Variants in PC observed in about 807,000 individuals in gnomAD.
PC encodes pyruvate carboxylase.
A neutral mutation model predicts 107.8 loss-of-function variants in PC; 46 were observed. The observed-to-expected ratio is 0.43, with a 90% CI of 0.34 to 0.55. The LOEUF (loss-of-function observed/expected upper bound fraction) is 0.55, where lower values mean the gene tolerates loss of function less well. PC is among the 20% of genes least tolerant of loss of function. The pLI, the probability that PC is intolerant of heterozygous loss-of-function variation, is 0.04. For synonymous variants in PC, 662 were observed against 684.7 expected (o/e 0.97, Z 0.52); for missense variants, 1,241 against 1,643.1 (o/e 0.76, Z 4.23).
intron 12 of PC, chr11:66,860,123 TG>T: frequency 1.3e-6 from 2 of 1,550,508 alleles, no homozygotes. Flanking sequence ...ACTCTGTGCA[TG>T]GGGGGCTGCT....
At chr11:66,856,128 GCAAAGAAC>G (rs572352768) in intron 12 of PC, among the ~76,000 whole-genome samples, 193 of 152,370 alleles carry the variant, frequency 1.3e-3, no homozygotes, top group African/African-American at 4.4e-3. Flanking sequence ...CAACCAGGAA[GCAAAGAAC>G]CTCCCCCACC....
At chr11:66,953,217 T>C (rs1188422585) in intron 2 of PC, among the ~76,000 whole-genome samples, 1 of 152,210 alleles carries the variant, frequency 6.6e-6, no homozygotes, top group Non-Finnish European at 1.5e-5. Flanking sequence ...TCCTGCCCAC[T>C]CCGTCCAGCC....
Position 66,857,548 on chromosome 11 carries a change from A to T in PC, c.1369-4165T>A. ...CCCCCTTAACTGCTTGGGAAATGTG[A>T]CCTTTGCTCTGGGGGGCCTGGCCCT... On this transcript the variant is annotated intron_variant, in intron 12 of 22. Transcript: ENST00000393960. This position sits in a 1 kb window ranked among gnomAD's most constrained non-coding sequence, Gnocchi z 7.1. The T allele has an allele frequency of 1.7e-6, 1 of 582,772 alleles. No homozygotes were observed. The highest frequency in any genetic ancestry group is 2.9e-5 in the East Asian group (1 of 34,792). The allele number at this position is 582,772 out of a possible 1,614,324, so 36.1% of individuals were successfully genotyped here.
intron 3 of PC, among the ~76,000 whole-genome samples, chr11:66,947,318 T>C (rs1591315877): frequency 6.6e-6 from 1 of 150,426 alleles, no homozygotes; most frequent in Non-Finnish European, 1.5e-5. Context: ...GTGCGGTGGC[T>C]CATGCCTGTA....
intron 9 of PC, 101 bp from the exon 10 acceptor site, chr11:66,869,065 C>T (rs556761983): frequency 1.6e-5 from 14 of 901,772 alleles, no homozygotes; most frequent in South Asian, 2.9e-5. Flanking sequence ...GGGTTGGTTC[C>T]GTAAAAGAAT....
chr11:66,938,261 G>C lies in PC; in HGVS notation c.-1+14169C>G, dbSNP rs1234352920. 3.9e-5 allele frequency among the ~76,000 whole-genome samples: 6 copies of C among 152,218 alleles called. No individual in the cohort carries two copies. In the South Asian group the frequency reaches 1.2e-3, roughly 32 times the overall value. On this transcript the variant is annotated intron_variant, in intron 3 of 22. Coordinates refer to ENST00000393960, the MANE Select transcript of PC (RefSeq NM_001040716.2). The stretch of plus-strand genomic sequence containing the variant: ...ATTTTTCCTGAATAAATGTGTCTTA[G>C]ATTGTTGCAAGCCTTTGGTTAATTT...
Position 66,894,689 on chromosome 11 carries a change from G to A in PC, c.1-22530C>T, listed in dbSNP as rs1016183195. Among the ~76,000 whole-genome samples the A allele has an allele frequency of 2.6e-5, 4 of 152,152 alleles. No homozygotes were observed. In the South Asian group the frequency reaches 6.2e-4, roughly 24 times the overall value. On this transcript the variant is annotated intron_variant, in intron 3 of 22. Transcript: ENST00000393960. The stretch of plus-strand genomic sequence containing the variant: ...CTCCCACCTCCACAATGGGCTGAAC[G>A]GGCTGCCGTGTATAAAGAGGGCAGG...
intron 1 of PC, chr11:66,957,822 G>C (rs994711821): frequency 3.3e-5 from 5 of 152,244 alleles, no homozygotes. Context: ...AGGATCCTAC[G>C]GGAGGCGGAG....
intron 3 of PC, among the ~76,000 whole-genome samples, chr11:66,945,442 A>G (rs1949261551): frequency 9.6e-6 from 1 of 104,274 alleles, no homozygotes; most frequent in African/African-American, 3.4e-5. Context: ...GGAACTGCAG[A>G]GTTACATGAG....
At chr11:66,953,934 C>G (rs1018486361) in intron 2 of PC, among the ~76,000 whole-genome samples, 1 of 152,108 alleles carries the variant, frequency 6.6e-6, no homozygotes, top group African/African-American at 2.4e-5. Flanking sequence ...TTGTGATAAT[C>G]ACATTATGTG....
rs1468189989 is a variant in PC at position 66,851,842 on chromosome 11, G to A, written c.1930C>T (p.Arg644Trp). ...GTGTAGCCCACAGCATTGGCCCCCC[G>A]CAGCAGCATCTGGAAAGGGATGTTG... ...IPNIPFQMLLRGANAVGYTNY... is the reference protein window; with the variant it reads ...IPNIPFQMLLWGANAVGYTNY... The change falls in exon 16 of 23, where the codon CGG (arginine) becomes TGG (tryptophan). Residue 644 changes from arginine (R) to tryptophan (W), a missense_variant. Arg to Trp is a moderately radical substitution (Grantham distance 101). Coordinates refer to ENST00000393960, the MANE Select transcript of PC (RefSeq NM_001040716.2). 2 of 1,614,110 alleles carry A rather than the reference G, an allele frequency of 1.2e-6. No homozygotes were observed. The highest frequency in any genetic ancestry group is 2.2e-5 in the East Asian group (1 of 44,884).
intron 3 of PC, among the ~76,000 whole-genome samples, chr11:66,946,092 CAAAAAAAAAAAAAAAAA>C (rs757767116): frequency 1.5e-5 from 1 of 66,076 alleles, no homozygotes; most frequent in Non-Finnish European, 3.2e-5. Context: ...GACTCCGTCT[CAAAAAAAAAAAAAAAAA>C]AAAAAGAAAT....
At chr11:66,924,828 G>A (rs1346828007) in intron 3 of PC, among the ~76,000 whole-genome samples, 1 of 152,272 alleles carries the variant, frequency 6.6e-6, no homozygotes, top group East Asian at 1.9e-4. Context: ...AATGAAGGAG[G>A]GGAGGTATCG....
intron 3 of PC, among the ~76,000 whole-genome samples, chr11:66,936,806 T>G (rs567442189): frequency 6.6e-6 from 1 of 152,112 alleles, no homozygotes; most frequent in Non-Finnish European, 1.5e-5. Context: ...GTAGAAAAAC[T>G]TGGGGAAGGG....
At chr11:66,885,216 C>A (rs1947317279) in intron 3 of PC, among the ~76,000 whole-genome samples, 1 of 152,116 alleles carries the variant, frequency 6.6e-6, no homozygotes, top group Admixed American at 6.5e-5. Flanking sequence ...GGGCCAGGCG[C>A]GATGGCTCAC....
rs150172689 is a variant in PC, at chr11:66,876,532, A to G, written c.1-4373T>C. On this transcript the variant is annotated intron_variant, in intron 3 of 22. Transcript: ENST00000393960. ...GTGCATGCCCCAGCACCTGCTGCTC[A>G]AGAGGTGCCGGGAGCACCAGCGAGG... Among the ~76,000 whole-genome samples the G allele has an allele frequency of 3.5e-3, 533 of 152,374 alleles. 4 individuals carry two copies. Among genetic ancestry groups the G allele is most frequent in the African/African-American group, 0.012 (502 of 41,578 alleles).
intron 3 of PC, among the ~76,000 whole-genome samples, chr11:66,952,010 G>A (rs7107498): frequency 0.47 from 71,282 of 152,008 alleles, 17,049 homozygotes; most frequent in African/African-American, 0.52. Flanking sequence ...AAGGTTGAGC[G>A]TCACCCTCTG....
At chr11:66,944,680 G>A (rs1949244089) in intron 3 of PC, among the ~76,000 whole-genome samples, 1 of 117,882 alleles carries the variant, frequency 8.5e-6, no homozygotes, top group African/African-American at 3.0e-5. Context: ...TGAAGACAAT[G>A]TATTTTGCCA....
rs139065746 is a variant in PC, at chr11:66,850,936, G to GGAGA, written c.2224-17_2224-14dup. On this transcript the variant is annotated splice_polypyrimidine_tract_variant and intron_variant, in intron 17 of 22. Transcript: ENST00000393960. The stretch of plus-strand genomic sequence containing the variant: ...GCCCGGCCATGTCCTGGGGGAAGTG[G>GGAGA]GAGAGAGAGAGAGAGAGATGGTAGA... 95 of 1,551,636 alleles carry GGAGA rather than the reference G, an allele frequency of 6.1e-5. No individual in the cohort carries two copies. Among genetic ancestry groups the GGAGA allele is most frequent in the Middle Eastern group, 3.4e-4 (2 of 5,822 alleles).
Sources: allele counts gnomAD v4.1 joint callset (sites outside exome capture counted in the v4.1 genomes callset), GRCh38; gene constraint gnomAD v4.1.1; non-coding constraint Gnocchi (gnomAD v3.1); transcripts MANE v1.5; gene names NCBI Gene and HGNC (gene_info 2026-07-23, HGNC 2026-07-21).